LEKR1: variants seen among roughly 807,000 people sequenced by gnomAD.
LEKR1 encodes the protein protein LEKR1.
In LEKR1, 59 loss-of-function variants were observed where a neutral mutation model predicts 72.4. That is an observed-to-expected ratio of 0.82 (90% CI 0.66 to 1.01). The LOEUF is 1.01. Among genes scored for constraint, LEKR1 ranks in the 50% least tolerant of loss-of-function variants. LEKR1 has a pLI of 0.00. For synonymous variants in LEKR1, 257 were observed against 263.2 expected (o/e 0.98, Z 0.23); for missense variants, 728 against 759.2 (o/e 0.96, Z 0.48).
chr3:156,960,702 A>G (rs929816245), intron 6 of LEKR1, among the ~76,000 whole-genome samples: 2 of 151,764 alleles, frequency 1.3e-5, no homozygotes, highest in Non-Finnish European at 2.9e-5. Flanking sequence ...AAATTTAAAT[A>G]CATGTGTTAA....
intron 2 of LEKR1, among the ~76,000 whole-genome samples, chr3:156,849,462 C>T (rs200455383): frequency 4.7e-5 from 7 of 150,196 alleles, no homozygotes; most frequent in South Asian, 2.1e-4. Flanking sequence ...CAACCCTAAG[C>T]CAAAAGAACA....
intron 3 of LEKR1, among the ~76,000 whole-genome samples, chr3:156,878,949 G>T (rs549899097): frequency 5.9e-5 from 9 of 152,212 alleles, no homozygotes; most frequent in African/African-American, 1.9e-4. Flanking sequence ...GCCTTTCGCT[G>T]TGATTAAACA....
chr3:157,041,264 G>C (rs1206326447), intron 12 of LEKR1, among the ~76,000 whole-genome samples: 2 of 152,048 alleles, frequency 1.3e-5, no homozygotes, highest in Admixed American at 6.6e-5. Context: ...GACCCAAGGG[G>C]CACTTGAGAT....
At chr3:156,883,983 G>T (rs1176327079) in intron 3 of LEKR1, among the ~76,000 whole-genome samples, 3 of 152,048 alleles carry the variant, frequency 2.0e-5, no homozygotes, top group Non-Finnish European at 4.4e-5. Flanking sequence ...ATATATTTAG[G>T]ATTGTGATAT....
intron 3 of LEKR1, among the ~76,000 whole-genome samples, chr3:156,885,205 C>A (rs1719923891): frequency 6.6e-6 from 1 of 151,808 alleles, no homozygotes; most frequent in African/African-American, 2.4e-5. Flanking sequence ...TAAAAAATTT[C>A]TTTGTGTTGG....
At chr3:156,966,334 G>A (rs143478803) in intron 6 of LEKR1, among the ~76,000 whole-genome samples, 4,022 of 152,120 alleles carry the variant, frequency 0.026, 63 homozygotes, top group Non-Finnish European at 0.034. Flanking sequence ...GTGAGGCATC[G>A]CCTCACCCGG....
At chr3:156,946,065 A>G (rs558598448) in intron 6 of LEKR1, among the ~76,000 whole-genome samples, 7 of 151,466 alleles carry the variant, frequency 4.6e-5, no homozygotes, top group Non-Finnish European at 8.9e-5. Flanking sequence ...AATAATATTG[A>G]TTTTTCCAAT....
chr3:156,835,398 G>A (rs547057719), intron 2 of LEKR1, among the ~76,000 whole-genome samples: 110 of 152,338 alleles, frequency 7.2e-4, no homozygotes, highest in African/African-American at 2.5e-3. Flanking sequence ...AGCTTCCAGG[G>A]CCTGACAGGC....
chr3:156,971,070 C>G (rs1197462193), intron 6 of LEKR1, among the ~76,000 whole-genome samples: 1 of 152,022 alleles, frequency 6.6e-6, no homozygotes, highest in African/African-American at 2.4e-5. Flanking sequence ...GGAGGCATCA[C>G]GCTACCTGAC....
chr3:156,890,749 G>A (rs1264007987), intron 3 of LEKR1, among the ~76,000 whole-genome samples: 1 of 151,920 alleles, frequency 6.6e-6, no homozygotes, highest in Non-Finnish European at 1.5e-5. Flanking sequence ...AGATCAGTGT[G>A]ATCAGCTTAC....
intron 7 of LEKR1, among the ~76,000 whole-genome samples, chr3:156,989,976 A>G (rs1322497087): frequency 2.0e-5 from 3 of 152,130 alleles, no homozygotes; most frequent in Non-Finnish European, 4.4e-5. Flanking sequence ...TCTACCATCC[A>G]TATTTCAATT....
At chr3:157,032,069 G>C (rs1190032319) in intron 12 of LEKR1, among the ~76,000 whole-genome samples, 1 of 151,972 alleles carries the variant, frequency 6.6e-6, no homozygotes, top group Non-Finnish European at 1.5e-5. Flanking sequence ...GAGGGAGGGA[G>C]GGAGAGAGAG....
intron 2 of LEKR1, among the ~76,000 whole-genome samples, chr3:156,838,978 A>G (rs1244877948): frequency 6.6e-6 from 1 of 152,238 alleles, no homozygotes; most frequent in Non-Finnish European, 1.5e-5. Context: ...ACTCAAATCA[A>G]TCTCCTAAAC....
chr3:156,929,136 G>A (rs1427871395), intron 5 of LEKR1, among the ~76,000 whole-genome samples: 1 of 151,144 alleles, frequency 6.6e-6, no homozygotes, highest in African/African-American at 2.4e-5. Context: ...AAAATATGGT[G>A]TCTGAAATAA....
At chr3:156,922,361 C>T (rs1169832711) in intron 4 of LEKR1, among the ~76,000 whole-genome samples, 2 of 150,630 alleles carry the variant, frequency 1.3e-5, no homozygotes, top group Admixed American at 6.6e-5. Context: ...AGAAAAAGAG[C>T]TTATAATCTT....
rs1735702503 is a variant in LEKR1, at chr3:157,045,658, C to G, written c.1987C>G (p.Gln663Glu). The change falls in exon 13 of 13, where the codon CAG (glutamine) becomes GAG (glutamate). Residue 663 changes from glutamine (Q) to glutamate (E), a missense_variant. Coordinates refer to ENST00000356539, the MANE Select transcript of LEKR1 (RefSeq NM_001004316.3). ...TAGATCAGGCGTGCCCATTCTCCCC[C>G]AGCCACATCCTCCCAGGGGTGGAGC... ...RVRSGVPILP[Q>E]PHPPRGGASS... is the part of the protein sequence containing the mutation. 2 of 1,613,994 alleles carry G rather than the reference C, an allele frequency of 1.2e-6. No homozygotes were observed. The highest frequency in any genetic ancestry group is 1.3e-5 in the African/African-American group (1 of 74,932).
intron 7 of LEKR1, among the ~76,000 whole-genome samples, chr3:156,992,336 A>G (rs1488241784): frequency 6.6e-6 from 1 of 152,058 alleles, no homozygotes; most frequent in Non-Finnish European, 1.5e-5. Context: ...CCTCATTCCA[A>G]CTGTCAACTT....
At chr3:156,941,491 C>G (rs1726198752) in intron 5 of LEKR1, among the ~76,000 whole-genome samples, 1 of 152,078 alleles carries the variant, frequency 6.6e-6, no homozygotes, top group African/African-American at 2.4e-5. Context: ...CTATGTATCT[C>G]TACTTGTGGT....
chr3:156,896,103 A>C (rs1215404765), intron 3 of LEKR1, among the ~76,000 whole-genome samples: 1 of 152,208 alleles, frequency 6.6e-6, no homozygotes, highest in East Asian at 1.9e-4. Context: ...AAACTAATGC[A>C]GGAATAGAAA....
Sources: gnomAD v4.1 joint callset for allele counts (sites outside exome capture counted in the v4.1 genomes callset) on GRCh38, gnomAD v4.1.1 for gene constraint, MANE v1.5 for transcripts, NCBI Gene and HGNC (gene_info 2026-07-23, HGNC 2026-07-21) for gene names.